Variants in DLGAP5 observed in about 807,000 individuals in gnomAD.
DLGAP5 encodes disks large-associated protein 5.
In DLGAP5, 90 loss-of-function variants were observed where a neutral mutation model predicts 99.6. The observed-to-expected ratio is 0.90, with a 90% CI of 0.76 to 1.08. DLGAP5 has a LOEUF of 1.08. Ranked by LOEUF, DLGAP5 falls within the 50% of genes least tolerant of loss-of-function variation. The pLI is 0.00. For missense variants in DLGAP5, 1,036 were observed against 983.5 expected (o/e 1.05, Z -0.71); for synonymous variants, 311 against 321.3 (o/e 0.97, Z 0.34).
intron 12 of DLGAP5, among the ~76,000 whole-genome samples, chr14:55,165,279 G>A (rs1255169789): frequency 1.3e-5 from 2 of 152,060 alleles, no homozygotes; most frequent in African/African-American, 4.8e-5. Context: ...TAGCATTTTG[G>A]GAGGCTGAGA....
Position 55,179,642 on chromosome 14 carries a change from G to C in DLGAP5, c.761C>G (p.Thr254Arg). Residue 254 changes from threonine (T) to arginine (R), a missense_variant, in exon 7 of 19, where the codon ACA (threonine) becomes AGA (arginine). Coordinates refer to ENST00000247191, the MANE Select transcript of DLGAP5 (RefSeq NM_014750.5). Reference protein sequence around the residue: ...SKGRPAKNVETKPDKGISCKV... With the variant: ...SKGRPAKNVERKPDKGISCKV... ...TTTATTCTCTACCTTGTCGGGTTTT[G>C]TTTCTACATTTTTGGCAGGTCTTCC... 1 of 1,611,664 alleles carries C rather than the reference G, an allele frequency of 6.2e-7. No homozygotes were observed. Among genetic ancestry groups the C allele is most frequent in the Non-Finnish European group, 8.5e-7 (1 of 1,179,072 alleles).
At chr14:55,182,297 A>T (rs1267182153) in intron 4 of DLGAP5, 73 bp downstream of exon 4, 1 of 1,265,646 alleles carries the variant, frequency 7.9e-7, no homozygotes, top group African/African-American at 1.5e-5. Context: ...CTGATACTAG[A>T]TTTAAAATGA....
chr14:55,170,918 C>A (rs1025817361), intron 10 of DLGAP5, 131 bp from the exon 11 acceptor site: 3 of 631,824 alleles, frequency 4.7e-6, no homozygotes, highest in Non-Finnish European at 8.4e-6. Context: ...AAAGTTGATA[C>A]TGAATTATTT....
intron 4 of DLGAP5, among the ~76,000 whole-genome samples, chr14:55,182,064 A>G (rs1229998200): frequency 6.6e-6 from 1 of 152,136 alleles, no homozygotes. Flanking sequence ...TATAACACCT[A>G]CCCTGTGTGC....
At chr14:55,188,505 C>T (rs1203470077) in intron 2 of DLGAP5, among the ~76,000 whole-genome samples, 1 of 152,010 alleles carries the variant, frequency 6.6e-6, no homozygotes, top group Non-Finnish European at 1.5e-5. Context: ...ACTTATCCTA[C>T]CCAAGCTCCG....
intron 14 of DLGAP5, among the ~76,000 whole-genome samples, 157 bp downstream of exon 14, chr14:55,158,364 GA>G (rs1288358118): frequency 1.3e-5 from 2 of 152,152 alleles, no homozygotes; most frequent in Admixed American, 1.3e-4. Context: ...CAGTGTTTGT[GA>G]GCGAGCATAG....
intron 7 of DLGAP5, among the ~76,000 whole-genome samples, chr14:55,178,658 G>C (rs778464140): frequency 1.1e-4 from 17 of 152,220 alleles, no homozygotes; most frequent in Admixed American, 3.3e-4. Context: ...CTTTATCTGT[G>C]AAGATTCACT....
At chr14:55,180,910 A>C (rs1883250928) in intron 5 of DLGAP5, 132 bp from the exon 6 acceptor site, 1 of 1,163,162 alleles carries the variant, frequency 8.6e-7, no homozygotes, top group Admixed American at 2.2e-5. Flanking sequence ...TCAGCCCAGG[A>C]GTTCGAAACC....
intron 12 of DLGAP5, among the ~76,000 whole-genome samples, chr14:55,168,306 T>C (rs1316651501): frequency 6.6e-6 from 1 of 152,238 alleles, no homozygotes; most frequent in Non-Finnish European, 1.5e-5. Context: ...TCTGTTCTCA[T>C]ATTGCTTAAC....
intron 12 of DLGAP5, among the ~76,000 whole-genome samples, chr14:55,165,517 C>T (rs1882606206): frequency 6.6e-6 from 1 of 151,406 alleles, no homozygotes; most frequent in Non-Finnish European, 1.5e-5. Flanking sequence ...GAGCGAGACC[C>T]TGACTTAAAA....
At chr14:55,149,815 C>CGGG (rs34800653) in intron 18 of DLGAP5, among the ~76,000 whole-genome samples, 134 of 131,984 alleles carry the variant, frequency 1.0e-3, no homozygotes, top group Middle Eastern at 4.0e-3. Flanking sequence ...AGAATCGGGG[C>CGGG]GGGGGGGGGG....
intron 14 of DLGAP5, among the ~76,000 whole-genome samples, chr14:55,155,694 A>G (rs1165695428): frequency 6.6e-6 from 1 of 152,150 alleles, no homozygotes; most frequent in Non-Finnish European, 1.5e-5. Flanking sequence ...AAGGAAACTA[A>G]AGAAGAGATA....
rs1883213796 is a variant in DLGAP5 at position 55,179,716 on chromosome 14, A to G, written c.704-17T>C. 6 of 1,595,668 alleles carry G rather than the reference A, an allele frequency of 3.8e-6. No individual in the cohort carries two copies. The highest frequency in any genetic ancestry group is 1.1e-5 in the South Asian group (1 of 87,814). ...GTTCGTTTTCTAAAACAACAATAAA[A>G]TATTTATTTTACTAGATAGAAATGC... On this transcript the variant is annotated splice_polypyrimidine_tract_variant and intron_variant, in intron 6 of 18. Transcript: ENST00000247191.
chr14:55,164,433 T>C (rs1335823130), intron 12 of DLGAP5, among the ~76,000 whole-genome samples: 2 of 151,998 alleles, frequency 1.3e-5, no homozygotes, highest in African/African-American at 2.4e-5. Flanking sequence ...GCTGGGAAAA[T>C]TGGTTATCCA....
At chr14:55,160,732 C>T (rs1882395910) in intron 13 of DLGAP5, among the ~76,000 whole-genome samples, 3 of 152,080 alleles carry the variant, frequency 2.0e-5, no homozygotes, top group African/African-American at 7.2e-5. Flanking sequence ...CTTAAGCCAC[C>T]ACGCCTGGCC....
intron 14 of DLGAP5, among the ~76,000 whole-genome samples, chr14:55,156,713 C>G (rs879281943): frequency 2.6e-5 from 4 of 151,446 alleles, no homozygotes; most frequent in Admixed American, 2.6e-4. Context: ...AGACAGAAAC[C>G]AAAAACAACT....
chr14:55,189,662 T>A (rs1163568463), intron 1 of DLGAP5, among the ~76,000 whole-genome samples: 2 of 152,100 alleles, frequency 1.3e-5, no homozygotes, highest in Non-Finnish European at 2.9e-5. Context: ...CGGATACAGA[T>A]AGAGTTGGAT....
intron 12 of DLGAP5, among the ~76,000 whole-genome samples, chr14:55,166,187 T>C (rs1882635797): frequency 6.6e-6 from 1 of 152,144 alleles, no homozygotes; most frequent in Non-Finnish European, 1.5e-5. Context: ...ATCCATACAA[T>C]GGAAAACCAC....
At chr14:55,148,873 T>C (rs1295057473) in intron 18 of DLGAP5, among the ~76,000 whole-genome samples, 1 of 152,168 alleles carries the variant, frequency 6.6e-6, no homozygotes, top group Non-Finnish European at 1.5e-5. Flanking sequence ...ACTCAAGCAG[T>C]GTATGCAGAA....
Sources: gnomAD v4.1 joint callset for allele counts (sites outside exome capture counted in the v4.1 genomes callset) on GRCh38, gnomAD v4.1.1 for gene constraint, MANE v1.5 for transcripts, NCBI Gene and HGNC (gene_info 2026-07-23, HGNC 2026-07-21) for gene names.